The following CDH12 variants were observed in gnomAD, a reference collection of about 807,000 sequenced individuals.
CDH12 encodes the protein cadherin 12, also known as cadherin-12.
Under a neutral mutation model 74.1 loss-of-function variants are expected in CDH12, and 41 were observed. The ratio of observed to expected loss-of-function variants is 0.55; its 90% confidence interval spans 0.43 to 0.72. The LOEUF (loss-of-function observed/expected upper bound fraction) is 0.72, where lower values mean the gene tolerates loss of function less well. Ranked by LOEUF, CDH12 falls within the 30% of genes least tolerant of loss-of-function variation. The probability of loss-of-function intolerance (pLI) is 0.00; values close to 1 mark genes in which losing one functional copy is unlikely to be tolerated. For missense variants in CDH12, 945 were observed against 977.2 expected (o/e 0.97, Z 0.44); for synonymous variants, 399 against 355.0 (o/e 1.12, Z -1.39).
chr5:22,092,256 T>C (rs1301623222), intron 4 of CDH12, among the ~76,000 whole-genome samples: 1 of 151,940 alleles, frequency 6.6e-6, no homozygotes, highest in Non-Finnish European at 1.5e-5. Flanking sequence ...AGTGACAAGA[T>C]AAAGACAAGC....
At chr5:21,951,175 T>C (rs893884695) in intron 6 of CDH12, among the ~76,000 whole-genome samples, 3 of 152,152 alleles carry the variant, frequency 2.0e-5, no homozygotes, top group African/African-American at 7.2e-5. Context: ...ATAACATTGT[T>C]TTCAATACGA....
chr5:22,163,130 C>T (rs1052964439), intron 4 of CDH12, among the ~76,000 whole-genome samples: 6 of 152,040 alleles, frequency 3.9e-5, no homozygotes, highest in African/African-American at 1.4e-4. Flanking sequence ...ATCCGCCCAC[C>T]TCGGCCTCTC....
At chr5:22,497,282 G>A (rs1320400811) in intron 2 of CDH12, among the ~76,000 whole-genome samples, 1 of 152,116 alleles carries the variant, frequency 6.6e-6, no homozygotes, top group Non-Finnish European at 1.5e-5. Flanking sequence ...GTTGGCTAAA[G>A]GCAGCTCAGA....
chr5:22,405,943 G>A (rs1742921467), intron 2 of CDH12, among the ~76,000 whole-genome samples: 1 of 152,092 alleles, frequency 6.6e-6, no homozygotes, highest in African/African-American at 2.4e-5. Context: ...ATAATAGAAT[G>A]CAAATTCTAT....
intron 4 of CDH12, among the ~76,000 whole-genome samples, chr5:22,132,975 ATAT>A (rs1746259706): frequency 6.6e-6 from 1 of 152,142 alleles, no homozygotes; most frequent in Non-Finnish European, 1.5e-5. Context: ...CCAAAACTAA[ATAT>A]TATTTCCCGA....
chr5:22,417,656 A>G (rs1040764623), intron 2 of CDH12, among the ~76,000 whole-genome samples: 1 of 152,192 alleles, frequency 6.6e-6, no homozygotes, highest in Non-Finnish European at 1.5e-5. Context: ...TTTATGATAG[A>G]ATAAATAGAA....
chr5:21,874,854 T>A (rs1418381987), intron 6 of CDH12, among the ~76,000 whole-genome samples: 1 of 152,154 alleles, frequency 6.6e-6, no homozygotes, highest in Non-Finnish European at 1.5e-5. Flanking sequence ...TGCCTGGGGT[T>A]CCTCCTAATA....
At chr5:22,319,914 G>GGAAGAT (rs1373448898) in intron 3 of CDH12, among the ~76,000 whole-genome samples, 1 of 151,940 alleles carries the variant, frequency 6.6e-6, no homozygotes, top group Non-Finnish European at 1.5e-5. Flanking sequence ...CAGAGGAAGA[G>GGAAGAT]GAAGAAGGAT....
intron 4 of CDH12, among the ~76,000 whole-genome samples, chr5:22,081,763 C>T (rs907731534): frequency 2.0e-5 from 3 of 152,170 alleles, no homozygotes; most frequent in African/African-American, 4.8e-5. Flanking sequence ...TTCTCCTTTT[C>T]GCTTAGAAGT....
intron 1 of CDH12, among the ~76,000 whole-genome samples, chr5:22,532,481 A>T (rs1737639175): frequency 2.0e-5 from 3 of 149,682 alleles, no homozygotes; most frequent in Admixed American, 2.0e-4. Flanking sequence ...TATATCTAGG[A>T]CATATTAGCT....
intron 3 of CDH12, among the ~76,000 whole-genome samples, chr5:22,341,159 T>C (rs146354055): frequency 0.012 from 1,789 of 152,300 alleles, 29 homozygotes; most frequent in African/African-American, 0.041. Flanking sequence ...AATCCTGGTG[T>C]CTCTCTGCCT....
chr5:22,446,292 C>G (rs759579937), intron 2 of CDH12, among the ~76,000 whole-genome samples: 2 of 152,074 alleles, frequency 1.3e-5, no homozygotes, highest in Non-Finnish European at 2.9e-5. Flanking sequence ...TCCCCACACC[C>G]CTAACTACTT....
intron 2 of CDH12, among the ~76,000 whole-genome samples, chr5:22,481,059 C>G (rs1174076890): frequency 1.3e-5 from 2 of 152,122 alleles, no homozygotes; most frequent in Non-Finnish European, 2.9e-5. Flanking sequence ...GATAGTATTA[C>G]CTGTTATCTC....
At chr5:21,911,606 T>C (rs1753862955) in intron 6 of CDH12, among the ~76,000 whole-genome samples, 1 of 152,072 alleles carries the variant, frequency 6.6e-6, no homozygotes, top group Non-Finnish European at 1.5e-5. Context: ...TAAGAATTCA[T>C]AAAATATTAT....
intron 1 of CDH12, among the ~76,000 whole-genome samples, chr5:22,831,486 T>G (rs1452439631): frequency 3.3e-5 from 5 of 151,872 alleles, no homozygotes; most frequent in Admixed American, 3.3e-4. Flanking sequence ...ATGGAGGATG[T>G]CAAGTGAAGG....
At chr5:22,064,293 T>C (rs1741406685) in intron 5 of CDH12, among the ~76,000 whole-genome samples, 1 of 152,188 alleles carries the variant, frequency 6.6e-6, no homozygotes, top group African/African-American at 2.4e-5. Context: ...CTAGAACCAA[T>C]TCCCTGTGGA....
At chr5:22,688,350 G>A (rs1741918305) in intron 1 of CDH12, among the ~76,000 whole-genome samples, 1 of 152,184 alleles carries the variant, frequency 6.6e-6, no homozygotes, top group Non-Finnish European at 1.5e-5. Context: ...AATAAGTCAT[G>A]TGGGTATAAT....
At chr5:22,696,155 T>G (rs1439280902) in intron 1 of CDH12, among the ~76,000 whole-genome samples, 2 of 151,900 alleles carry the variant, frequency 1.3e-5, no homozygotes, top group African/African-American at 4.8e-5. Flanking sequence ...GATTGCAAGG[T>G]CAGGAGATCG....
chr5:22,172,385 TC>T (rs1749080008), intron 4 of CDH12: 1 of 151,826 alleles, frequency 6.6e-6, no homozygotes, highest in African/African-American at 2.4e-5. Flanking sequence ...AGCAGCTCCA[TC>T]TACCAATTGA....
Sources: allele counts gnomAD v4.1 joint callset (sites outside exome capture counted in the v4.1 genomes callset), GRCh38; gene constraint gnomAD v4.1.1; transcripts MANE v1.5; gene names NCBI Gene and HGNC (gene_info 2026-07-23, HGNC 2026-07-21).